Variants in SLCO5A1 observed in about 807,000 individuals in gnomAD.
SLCO5A1 encodes organic anion transporter polypeptide-related protein 4.
In SLCO5A1, 39 loss-of-function variants were observed where a neutral mutation model predicts 65.1. The observed-to-expected ratio is 0.60, with a 90% CI of 0.46 to 0.78. SLCO5A1 has a LOEUF of 0.78. Ranked by LOEUF, SLCO5A1 falls within the 30% of genes least tolerant of loss-of-function variation. The pLI, the probability that SLCO5A1 is intolerant of heterozygous loss-of-function variation, is 0.00. For missense variants in SLCO5A1, 1,029 were observed against 1,069.4 expected (o/e 0.96, Z 0.53); for synonymous variants, 438 against 415.7 (o/e 1.05, Z -0.65).
intron 5 of SLCO5A1, among the ~76,000 whole-genome samples, chr8:69,716,007 G>A (rs920224404): frequency 1.3e-5 from 2 of 151,996 alleles, no homozygotes; most frequent in African/African-American, 4.8e-5. Flanking sequence ...GCTCCAGCCC[G>A]AGACAATCAC....
chr8:69,783,353 C>T (rs1563721810), intron 2 of SLCO5A1, among the ~76,000 whole-genome samples: 2 of 152,060 alleles, frequency 1.3e-5, no homozygotes, highest in Non-Finnish European at 1.5e-5. Context: ...AGGATAAATG[C>T]TTGAGGGGAT....
intron 2 of SLCO5A1, chr8:69,794,445 G>C (rs1819401589): frequency 2.3e-6 from 1 of 444,182 alleles, no homozygotes; most frequent in Non-Finnish European, 4.4e-6. Flanking sequence ...AACTTTATAA[G>C]TGATGAAAAG....
intron 2 of SLCO5A1, among the ~76,000 whole-genome samples, chr8:69,765,401 T>TATATATATACACACACACACACACAC (rs918909833): frequency 3.8e-4 from 57 of 149,716 alleles, no homozygotes; most frequent in African/African-American, 1.4e-3. Flanking sequence ...TATATATATA[T>TATATATATACACACACACACACACAC]ACACACACAC....
chr8:69,825,144 A>G (rs1437367462), intron 2 of SLCO5A1, among the ~76,000 whole-genome samples: 1 of 152,212 alleles, frequency 6.6e-6, no homozygotes, highest in Non-Finnish European at 1.5e-5. Flanking sequence ...AATAAGAGCT[A>G]TCTCTGACAA....
chr8:69,780,678 G>T (rs889949050), intron 2 of SLCO5A1, among the ~76,000 whole-genome samples: 2 of 152,116 alleles, frequency 1.3e-5, no homozygotes, highest in African/African-American at 4.8e-5. Context: ...GATGATGAGC[G>T]ATTACTTAAT....
At chr8:69,817,841 A>C (rs1181158847) in intron 2 of SLCO5A1, among the ~76,000 whole-genome samples, 1 of 152,184 alleles carries the variant, frequency 6.6e-6, no homozygotes, top group African/African-American at 2.4e-5. Context: ...TTCACTGCTA[A>C]CATTTCTAGA....
At chr8:69,695,224 G>A (rs1371595987) in intron 6 of SLCO5A1, among the ~76,000 whole-genome samples, 1 of 152,164 alleles carries the variant, frequency 6.6e-6, no homozygotes, top group East Asian at 1.9e-4. Context: ...GCCAGGCATC[G>A]TGGCTCACAT....
chr8:69,709,387 T>C (rs754389048), intron 5 of SLCO5A1, among the ~76,000 whole-genome samples: 1 of 152,216 alleles, frequency 6.6e-6, no homozygotes, highest in Non-Finnish European at 1.5e-5. Flanking sequence ...GATAATCAAC[T>C]TAGCCCTGAA....
At chr8:69,803,055 G>A (rs1279415612) in intron 2 of SLCO5A1, among the ~76,000 whole-genome samples, 4 of 152,154 alleles carry the variant, frequency 2.6e-5, no homozygotes, top group South Asian at 2.1e-4. Context: ...TTGGCTGGGC[G>A]CAGTGTCTCA....
At chr8:69,709,378 A>G (rs13282869) in intron 5 of SLCO5A1, among the ~76,000 whole-genome samples, 32,158 of 152,174 alleles carry the variant, frequency 0.21, 3,536 homozygotes, top group Non-Finnish European at 0.25. Context: ...AATAGCACAG[A>G]TAATCAACTT....
chr8:69,795,516 CTGA>C (rs1330076198), intron 2 of SLCO5A1, among the ~76,000 whole-genome samples: 2 of 152,246 alleles, frequency 1.3e-5, no homozygotes, highest in Admixed American at 6.5e-5. Context: ...CCAAGGCACT[CTGA>C]TGCAAGGGGT....
intron 5 of SLCO5A1, among the ~76,000 whole-genome samples, chr8:69,711,959 A>G (rs902069874): frequency 2.0e-5 from 3 of 152,234 alleles, no homozygotes; most frequent in African/African-American, 7.2e-5. Context: ...GCAAATTCCT[A>G]TATGCTATTT....
At chr8:69,811,403 C>T (rs1476318711) in intron 2 of SLCO5A1, among the ~76,000 whole-genome samples, 1 of 152,174 alleles carries the variant, frequency 6.6e-6, no homozygotes, top group African/African-American at 2.4e-5. Context: ...CTCTTTGCTT[C>T]GTAGGGGAGC....
At chr8:69,702,677 C>A (rs1814796485) in intron 6 of SLCO5A1, among the ~76,000 whole-genome samples, 1 of 152,100 alleles carries the variant, frequency 6.6e-6, no homozygotes, top group Non-Finnish European at 1.5e-5. Flanking sequence ...TATTCAAATG[C>A]AAAGTGGAAC....
intron 2 of SLCO5A1, among the ~76,000 whole-genome samples, chr8:69,787,826 T>C (rs1247977029): frequency 6.6e-6 from 1 of 152,184 alleles, no homozygotes; most frequent in South Asian, 2.1e-4. Context: ...AGGCACTAGC[T>C]ATACATGATC....
At chr8:69,752,191 A>T (rs1378127629) in intron 4 of SLCO5A1, among the ~76,000 whole-genome samples, 1 of 152,168 alleles carries the variant, frequency 6.6e-6, no homozygotes, top group Admixed American at 6.5e-5. Flanking sequence ...AGATCACACC[A>T]CTGCACTCCA....
In SLCO5A1 at chr8:69,672,828, T is replaced by C; in HGVS notation, c.*41A>G. 1 of 1,561,868 alleles carries C rather than the reference T, an allele frequency of 6.4e-7. No individual in the cohort carries two copies. The highest frequency in any genetic ancestry group is 8.6e-7 in the Non-Finnish European group (1 of 1,156,714). On this transcript the variant is annotated 3_prime_UTR_variant, in exon 10 of 10. Coordinates refer to ENST00000260126, the MANE Select transcript of SLCO5A1 (RefSeq NM_030958.3). ...ACAGTTGTTTCTCAAGTCGCCATTT[T>C]CAATTCAACCAACAAAACTAAATTC...
chr8:69,772,673 G>A (rs745680773), intron 2 of SLCO5A1, among the ~76,000 whole-genome samples: 1 of 148,962 alleles, frequency 6.7e-6, no homozygotes. Flanking sequence ...TGATTCTGGA[G>A]CTCCTAACCG....
At chr8:69,796,551 G>A (rs961594919) in intron 2 of SLCO5A1, among the ~76,000 whole-genome samples, 1 of 151,898 alleles carries the variant, frequency 6.6e-6, no homozygotes, top group Non-Finnish European at 1.5e-5. Context: ...GGCAGGCAGA[G>A]GTCTACAGTG....
Sources: gnomAD v4.1 joint callset for allele counts (sites outside exome capture counted in the v4.1 genomes callset) on GRCh38, gnomAD v4.1.1 for gene constraint, MANE v1.5 for transcripts, NCBI Gene and HGNC (gene_info 2026-07-23, HGNC 2026-07-21) for gene names.